The following RSF1 variants were observed in gnomAD, a reference collection of about 807,000 sequenced individuals.
The protein encoded by RSF1 is remodeling and spacing factor 1.
RSF1 carries 13 observed loss-of-function variants against 145.2 expected under a neutral mutation model. The ratio of observed to expected loss-of-function variants is 0.09; its 90% CI spans 0.06 to 0.14. The LOEUF (loss-of-function observed/expected upper bound fraction) is 0.14, where lower values mean the gene tolerates loss of function less well. Among genes scored for constraint, RSF1 ranks in the 10% least tolerant of loss-of-function variants. The pLI, the probability that RSF1 is intolerant of heterozygous loss-of-function variation, is 1.00. For synonymous variants in RSF1, 577 were observed against 592.6 expected (o/e 0.97, Z 0.38); for missense variants, 1,517 against 1,718.2 (o/e 0.88, Z 2.07).
chr11:77,820,567 C>A lies in RSF1; in HGVS notation c.148G>T (p.Val50Leu). Residue 50 changes from valine to leucine, a missense_variant, in exon 1 of 16, where the codon GTG becomes TTG. Coordinates refer to ENST00000308488, the MANE Select transcript of RSF1 (RefSeq NM_016578.4). The stretch of plus-strand genomic sequence containing the variant: ...ACGTCCGGCGGCGGCGCCTGCAGCA[C>A]CCGCTCCAGCTCAGGGAACGGCAAC... ...PELPFPELERVLQAPPPDVGN... is the reference protein window; with the variant it reads ...PELPFPELERLLQAPPPDVGN... 6.4e-7 allele frequency: 1 copy of A among 1,554,738 alleles called. No individual in the cohort carries two copies. Among genetic ancestry groups the A allele is most frequent in the East Asian group, 2.4e-5 (1 of 41,724 alleles).
intron 15 of RSF1, among the ~76,000 whole-genome samples, chr11:77,667,814 C>A (rs1959410788): frequency 6.6e-6 from 1 of 152,168 alleles, no homozygotes; most frequent in African/African-American, 2.4e-5. Context: ...AGCGATTCTC[C>A]TGCCTCAGCC....
intron 1 of RSF1, among the ~76,000 whole-genome samples, chr11:77,772,212 T>C (rs1590877745): frequency 6.6e-6 from 1 of 151,964 alleles, no homozygotes; most frequent in East Asian, 1.9e-4. Context: ...CTCACATCAC[T>C]CAGGCTGGAG....
At chr11:77,857,089 G>A in the RSF1 span, among the ~76,000 whole-genome samples, 1 of 152,204 alleles carries the variant, frequency 6.6e-6, no homozygotes, top group Non-Finnish European at 1.5e-5. Context: ...TAAAAGATAT[G>A]TAGGTTCTGC....
At chr11:77,866,141 T>TC in the RSF1 span, among the ~76,000 whole-genome samples, 1 of 152,198 alleles carries the variant, frequency 6.6e-6, no homozygotes, top group South Asian at 2.1e-4. Flanking sequence ...GGAAGAGTAG[T>TC]TTAGGAATGT....
the RSF1 span, chr11:77,841,194 G>A: frequency 1.0e-5 from 7 of 702,156 alleles, no homozygotes; most frequent in South Asian, 3.0e-5. Context: ...TCATGAGGGT[G>A]GAACCCTCAT....
chr11:77,775,599 G>T (rs140057835), intron 1 of RSF1, among the ~76,000 whole-genome samples: 2 of 152,088 alleles, frequency 1.3e-5, no homozygotes, highest in African/African-American at 4.8e-5. Flanking sequence ...TCTATAAAAC[G>T]CCAGGCTTCT....
the RSF1 span, among the ~76,000 whole-genome samples, chr11:77,839,924 T>G: frequency 5.9e-5 from 9 of 152,110 alleles, no homozygotes; most frequent in Non-Finnish European, 1.3e-4. Flanking sequence ...ATGGCACATG[T>G]GTACCTATGT....
chr11:77,701,948 C>T lies in RSF1; in HGVS notation c.1281G>A (p.Arg427=). ...EIKQEEETCK[R]ISTITALGHE... ...GACCCAAAGCAGTGATTGTAGAGAT[C>T]CTTTTACAAGTCTCTTCCTCTTGTT... Residue 427 remains arginine, a synonymous_variant, in exon 6 of 16, where the codon AGG becomes AGA. Transcript: ENST00000308488. 1.9e-6 allele frequency: 3 copies of T among 1,613,598 alleles called. No homozygotes were observed. The highest frequency in any genetic ancestry group is 2.5e-6 in the Non-Finnish European group (3 of 1,179,870).
chr11:77,826,422 CTG>C, the RSF1 span, among the ~76,000 whole-genome samples: 1 of 151,880 alleles, frequency 6.6e-6, no homozygotes, highest in African/African-American at 2.4e-5. Context: ...AGCTATGTGT[CTG>C]TGTTTTAAAT....
At chr11:77,685,720 C>A (rs746252713) in intron 9 of RSF1, among the ~76,000 whole-genome samples, 20 of 152,082 alleles carry the variant, frequency 1.3e-4, no homozygotes, top group Non-Finnish European at 2.5e-4. Context: ...AAACCTATAA[C>A]TGAAATAAGA....
At chr11:77,711,400 T>C (rs565106975) in intron 5 of RSF1, among the ~76,000 whole-genome samples, 120 of 152,326 alleles carry the variant, frequency 7.9e-4, no homozygotes, top group African/African-American at 2.7e-3. Flanking sequence ...CCAGGTGCAG[T>C]GGCTCACGCC....
intron 14 of RSF1, among the ~76,000 whole-genome samples, chr11:77,673,625 A>T (rs946537915): frequency 6.6e-6 from 1 of 152,240 alleles, no homozygotes; most frequent in African/African-American, 2.4e-5. Flanking sequence ...ATAAATAAAT[A>T]TAACAGAAAT....
chr11:77,732,390 TG>T, intron 4 of RSF1, among the ~76,000 whole-genome samples: 1 of 152,196 alleles, frequency 6.6e-6, no homozygotes, highest in East Asian at 1.9e-4. Flanking sequence ...TGTTGGACTG[TG>T]GACTTTTGAG....
chr11:77,778,022 C>T (rs1167494955), intron 1 of RSF1, among the ~76,000 whole-genome samples: 2 of 125,602 alleles, frequency 1.6e-5, no homozygotes, highest in Non-Finnish European at 3.3e-5. Flanking sequence ...TGCCTGTAAT[C>T]CCAGCAGGCT....
intron 7 of RSF1, among the ~76,000 whole-genome samples, chr11:77,697,981 T>C (rs756024989): frequency 6.6e-6 from 1 of 152,170 alleles, no homozygotes; most frequent in African/African-American, 2.4e-5. Flanking sequence ...TTCAAAAATA[T>C]CATTATAAAG....
At chr11:77,748,576 T>C (rs1421619190) in intron 2 of RSF1, among the ~76,000 whole-genome samples, 1 of 152,120 alleles carries the variant, frequency 6.6e-6, no homozygotes, top group Non-Finnish European at 1.5e-5. Flanking sequence ...ATATAAATAT[T>C]ACATGAGGAA....
At chr11:77,838,647 C>T in the RSF1 span, among the ~76,000 whole-genome samples, 4 of 137,268 alleles carry the variant, frequency 2.9e-5, no homozygotes, top group South Asian at 2.3e-4. Context: ...GACAGAGTCT[C>T]GCTCTTTTGC....
chr11:77,758,140 GAAAAAAA>G (rs59962849), intron 2 of RSF1, among the ~76,000 whole-genome samples: 1 of 104,706 alleles, frequency 9.6e-6, no homozygotes, highest in African/African-American at 4.2e-5. Flanking sequence ...AGTCTCAGAA[GAAAAAAA>G]AAAAAAAAAG....
chr11:77,736,857 T>A (rs1035537179), intron 4 of RSF1, among the ~76,000 whole-genome samples: 3 of 152,214 alleles, frequency 2.0e-5, no homozygotes, highest in African/African-American at 7.2e-5. Context: ...CACTATTACA[T>A]CACCAATTGT....
Sources: gnomAD v4.1 joint callset for allele counts (sites outside exome capture counted in the v4.1 genomes callset) on GRCh38, gnomAD v4.1.1 for gene constraint, MANE v1.5 for transcripts, NCBI Gene and HGNC (gene_info 2026-07-23, HGNC 2026-07-21) for gene names.